The following ACADL variants were observed in gnomAD, a reference collection of about 807,000 sequenced individuals.
ACADL encodes long-chain specific acyl-CoA dehydrogenase, mitochondrial.
In ACADL, 60 loss-of-function variants were observed where a neutral mutation model predicts 56.9. That is an observed-to-expected ratio of 1.05 (90% CI 0.86 to 1.31). The LOEUF is 1.31. Among genes scored for constraint, ACADL ranks in the 50% most tolerant of loss-of-function variants. The pLI is 0.00. For missense variants in ACADL, 484 were observed against 525.5 expected, an observed-to-expected ratio of 0.92 and a Z score of 0.77; for synonymous variants, 158 against 179.7, an observed-to-expected ratio of 0.88 and a Z score of 0.97.
chr2:210,197,289 C>T (rs541865715), intron 8 of ACADL, among the ~76,000 whole-genome samples: 13 of 150,496 alleles, frequency 8.6e-5, no homozygotes, highest in Non-Finnish European at 1.5e-4. Flanking sequence ...CCACTCCTTC[C>T]ATCTCTGTAT....
At chr2:210,225,054 C>G in intron 1 of ACADL, 133 bp downstream of exon 1, 1 of 1,493,746 alleles carries the variant, frequency 6.7e-7, no homozygotes, top group South Asian at 1.3e-5. Flanking sequence ...CCAGCTCTAG[C>G]CCGGCGCCGG....
In ACADL at chr2:210,188,740, A is replaced by G; in HGVS notation, c.*221T>C. 2.2e-6 allele frequency: 1 copy of G among 463,064 alleles called. No homozygotes were observed. The highest frequency in any genetic ancestry group is 4.0e-5 in the East Asian group (1 of 25,316). 28.7% of individuals were successfully genotyped at this position (463,064 alleles called of 1,614,324 possible). ...GAAAACCGTTTACCTTTGGCTACATAAAAAACTGTAAGTTAAACCTTATAT... is the reference window on the plus strand; with the variant it reads ...GAAAACCGTTTACCTTTGGCTACATGAAAAACTGTAAGTTAAACCTTATAT... On this transcript the variant is annotated 3_prime_UTR_variant, in exon 11 of 11. Transcript: ENST00000233710.
At chr2:210,203,803 G>A (rs1688839234) in intron 7 of ACADL, among the ~76,000 whole-genome samples, 1 of 152,106 alleles carries the variant, frequency 6.6e-6, no homozygotes, top group Admixed American at 6.6e-5. Flanking sequence ...AGCCTTCCGA[G>A]TAGCTGGGAC....
At chr2:210,210,304 AAATT>A in intron 4 of ACADL, 42 bp from the exon 5 acceptor site, 1 of 1,404,318 alleles carries the variant, frequency 7.1e-7, no homozygotes, top group Non-Finnish European at 1.0e-6. Context: ...CAAATGATAA[AAATT>A]AAATTATACA....
chr2:210,201,792 A>G (rs1000172181), intron 8 of ACADL, among the ~76,000 whole-genome samples: 3 of 152,206 alleles, frequency 2.0e-5, no homozygotes, highest in African/African-American at 7.2e-5. Context: ...TATAGGGTCT[A>G]AAATTTAATT....
intron 1 of ACADL, chr2:210,224,588 G>C: frequency 1.0e-6 from 1 of 985,350 alleles, no homozygotes; most frequent in Non-Finnish European, 1.2e-6. Context: ...TTAATCCTCT[G>C]TATTTAGTTA....
chr2:210,210,041 A>T (rs1004095914), intron 5 of ACADL, 155 bp downstream of exon 5: 1 of 656,158 alleles, frequency 1.5e-6, no homozygotes, highest in Non-Finnish European at 2.8e-6. Flanking sequence ...CTTAAGTAAT[A>T]TATGTTGTAA....
Position 210,220,883 on chromosome 2 carries a change from G to A in ACADL, c.78-81C>T, listed in dbSNP as rs1342572400. 1.0e-5 allele frequency: 12 copies of A among 1,145,830 alleles called. No homozygotes were observed. The Admixed American group carries it at 2.6e-4, about 25-fold the overall frequency. 71.0% of individuals were successfully genotyped at this position (1,145,830 alleles called of 1,614,324 possible). On this transcript the variant is annotated intron_variant, in intron 1 of 10. Coordinates refer to ENST00000233710, the MANE Select transcript of ACADL (RefSeq NM_001608.4). ...CAAATTAGTGCCACTGAACAACATG[G>A]ATTTCTTTCACAGAGAAACTTGAGA...
In ACADL at chr2:210,212,088, C is replaced by T. The variant is rs961051506; in HGVS notation, c.537-1826G>A. ...CCTCAGTTGATCTGCACACCTTGGC[C>T]TCCGAAAGTGTTGGGATTACAGGCG... On this transcript the variant is annotated intron_variant, in intron 4 of 10. Transcript: ENST00000233710. Among the ~76,000 whole-genome samples the T allele has an allele frequency of 1.9e-4, 29 of 151,940 alleles. 3 individuals carry two copies. Among genetic ancestry groups the T allele is most frequent in the Admixed American group, 1.8e-3 (28 of 15,280 alleles).
intron 4 of ACADL, among the ~76,000 whole-genome samples, chr2:210,211,095 A>T (rs2125714815): frequency 6.6e-6 from 1 of 152,326 alleles, no homozygotes; most frequent in African/African-American, 2.4e-5. Flanking sequence ...ATAATTTTAA[A>T]AATAATTTTA....
chr2:210,208,036 C>T (rs1488634900), intron 5 of ACADL, among the ~76,000 whole-genome samples: 3 of 152,164 alleles, frequency 2.0e-5, no homozygotes, highest in African/African-American at 7.2e-5. Context: ...GCTCAAAAAC[C>T]TTATAAGTCT....
chr2:210,200,818 G>A (rs12474872), intron 8 of ACADL, among the ~76,000 whole-genome samples: 1 of 151,898 alleles, frequency 6.6e-6, no homozygotes, highest in South Asian at 2.1e-4. Flanking sequence ...TGGTAAAAAG[G>A]TCTCCCATAT....
rs1162234074 is a variant in ACADL, at chr2:210,203,262, A to G, written c.984+69T>C. Reference sequence around the variant, plus strand: ...TACATGAAAATAACTCCAAACTTCTATTTACCCCAGGCCATTTCAGATTAG... The same window carrying G: ...TACATGAAAATAACTCCAAACTTCTGTTTACCCCAGGCCATTTCAGATTAG... On this transcript the variant is annotated intron_variant, in intron 8 of 10. Coordinates refer to ENST00000233710, the MANE Select transcript of ACADL (RefSeq NM_001608.4). The G allele has an allele frequency of 2.0e-5, 21 of 1,063,994 alleles. No homozygotes were observed. In the East Asian group the frequency reaches 4.2e-4, roughly 21 times the overall value. The allele number at this position is 1,063,994 out of a possible 1,614,324, so 65.9% of individuals were successfully genotyped here.
intron 4 of ACADL, 127 bp downstream of exon 4, chr2:210,216,220 A>C: frequency 1.0e-6 from 1 of 994,656 alleles, no homozygotes; most frequent in Non-Finnish European, 1.6e-6. Context: ...ACTTGAGGTC[A>C]TGAATTATCC....
In ACADL at chr2:210,205,623, A is replaced by G; in HGVS notation, c.768+9T>C. 2 of 1,613,014 alleles carry G rather than the reference A, an allele frequency of 1.2e-6. No homozygotes were observed. The highest frequency in any genetic ancestry group is 1.1e-5 in the South Asian group (1 of 91,046). ...TTAGTATCTGAATATGATTTACATTATCACTCACCTGGGCTTTTAATCCCA... is the reference window on the plus strand; with the variant it reads ...TTAGTATCTGAATATGATTTACATTGTCACTCACCTGGGCTTTTAATCCCA... On this transcript the variant is annotated intron_variant, in intron 6 of 10. Transcript: ENST00000233710.
In ACADL at chr2:210,188,881, CG is replaced by C; in HGVS notation, c.*79del. 2.0e-6 allele frequency: 2 copies of C among 1,017,062 alleles called. No individual in the cohort carries two copies. The highest frequency in any genetic ancestry group is 3.1e-6 in the Non-Finnish European group (2 of 637,330). The allele number at this position is 1,017,062 out of a possible 1,614,324, so 63.0% of individuals were successfully genotyped here. On this transcript the variant is annotated 3_prime_UTR_variant, in exon 11 of 11. Coordinates refer to ENST00000233710, the MANE Select transcript of ACADL (RefSeq NM_001608.4). ...GGTAAAAACATGTTTAGTGTTTCCT[CG>C]CTTTCCAAGTTACATTTTATCTTGA...
intron 5 of ACADL, among the ~76,000 whole-genome samples, chr2:210,208,627 A>G (rs1688929529): frequency 2.6e-5 from 4 of 152,208 alleles, no homozygotes; most frequent in Admixed American, 2.6e-4. Flanking sequence ...GAAAAAGGAA[A>G]ATATAATTCT....
chr2:210,205,207 G>A (rs1688863402), intron 6 of ACADL, among the ~76,000 whole-genome samples: 1 of 151,976 alleles, frequency 6.6e-6, no homozygotes, highest in South Asian at 2.1e-4. Context: ...TTTATTATTA[G>A]TAGAGATGGG....
At chr2:210,215,802 T>C (rs907136386) in intron 4 of ACADL, among the ~76,000 whole-genome samples, 1 of 152,182 alleles carries the variant, frequency 6.6e-6, no homozygotes, top group African/African-American at 2.4e-5. Flanking sequence ...ACAGTACTTA[T>C]CATAATTTAT....
Sources: gnomAD v4.1 joint callset for allele counts (sites outside exome capture counted in the v4.1 genomes callset) on GRCh38, gnomAD v4.1.1 for gene constraint, MANE v1.5 for transcripts, NCBI Gene and HGNC (gene_info 2026-07-23, HGNC 2026-07-21) for gene names.